TUT4: variants seen among roughly 807,000 people sequenced by gnomAD.
TUT4 encodes the protein terminal uridylyltransferase 4.
TUT4 carries 36 observed loss-of-function variants against 192.2 expected under a neutral mutation model. The ratio of observed to expected loss-of-function variants is 0.19; its 90% CI spans 0.14 to 0.25. The LOEUF is 0.25. TUT4 is among the 10% of genes least tolerant of loss of function. The pLI, the probability that TUT4 is intolerant of heterozygous loss-of-function variation, is 1.00. For missense variants in TUT4, 1,493 were observed against 1,957.2 expected, an observed-to-expected ratio of 0.76 and a Z score of 4.47; for synonymous variants, 618 against 666.0, an observed-to-expected ratio of 0.93 and a Z score of 1.11.
At chr1:52,505,065 C>T (rs368466501) in intron 4 of TUT4, among the ~76,000 whole-genome samples, 1 of 152,044 alleles carries the variant, frequency 6.6e-6, no homozygotes, top group Non-Finnish European at 1.5e-5. Context: ...TCTTTGAAAC[C>T]CTGCTTTCAA....
chr1:52,435,278 T>C lies in TUT4; in HGVS notation c.4263+87A>G. On this transcript the variant is annotated intron_variant, in intron 27 of 29. Coordinates refer to ENST00000257177, the MANE Select transcript of TUT4 (RefSeq NM_001009881.3). Reference sequence around the variant, plus strand: ...CACTGTGTAATCTGGAAGATTGTATTAGCCAGTCTGAGAGAAAACACTATC... The same window carrying C: ...CACTGTGTAATCTGGAAGATTGTATCAGCCAGTCTGAGAGAAAACACTATC... 4 of 1,061,800 alleles carry C rather than the reference T, an allele frequency of 3.8e-6. No homozygotes were observed. In the South Asian group the frequency reaches 5.8e-5, roughly 15 times the overall value. The allele number at this position is 1,061,800 out of a possible 1,614,324, so 65.8% of individuals were successfully genotyped here.
intron 1 of TUT4, among the ~76,000 whole-genome samples, chr1:52,528,490 CAAAA>C (rs370291946): frequency 1.1e-5 from 1 of 90,208 alleles, no homozygotes; most frequent in Non-Finnish European, 2.5e-5. Context: ...GACCCTGTCT[CAAAA>C]AAAAAAAAAA....
chr1:52,441,144 A>G (rs543630786), intron 24 of TUT4, among the ~76,000 whole-genome samples: 1 of 152,302 alleles, frequency 6.6e-6, no homozygotes, highest in South Asian at 2.1e-4. Context: ...ATACCTATAG[A>G]TGCAGGTAGA....
In TUT4 at chr1:52,443,577, A is replaced by G. The variant is rs940914161; in HGVS notation, c.3822+2210T>C. Among the ~76,000 whole-genome samples, 6 of 151,048 alleles carry G rather than the reference A, an allele frequency of 4.0e-5. 1 individual carries two copies. The highest frequency in any genetic ancestry group is 1.3e-4 in the Admixed American group (2 of 15,154). On this transcript the variant is annotated intron_variant, in intron 24 of 29. Coordinates refer to ENST00000257177, the MANE Select transcript of TUT4 (RefSeq NM_001009881.3). ...GCACTCCAGCCTGGGCAACAAGAGC[A>G]AAAACTCCGTCTCAAAAAAAAAAAG...
chr1:52,447,267 G>A (rs892543686), intron 20 of TUT4, among the ~76,000 whole-genome samples: 20 of 151,852 alleles, frequency 1.3e-4, no homozygotes, highest in African/African-American at 4.6e-4. Context: ...GGCCAACATG[G>A]TGAAACCCAG....
At chr1:52,550,710 A>G (rs768684010) in intron 1 of TUT4, among the ~76,000 whole-genome samples, 22 of 151,988 alleles carry the variant, frequency 1.4e-4, no homozygotes, top group Non-Finnish European at 2.8e-4. Flanking sequence ...GCTCAGACTG[A>G]TATCAAACTC....
intron 20 of TUT4, among the ~76,000 whole-genome samples, chr1:52,451,447 AAG>A (rs2148540538): frequency 6.6e-6 from 1 of 152,334 alleles, no homozygotes; most frequent in South Asian, 2.1e-4. Flanking sequence ...ACAGAAATGA[AAG>A]AGGGGATATC....
At chr1:52,494,119 T>G (rs887930911) in intron 6 of TUT4, among the ~76,000 whole-genome samples, 9 of 152,130 alleles carry the variant, frequency 5.9e-5, no homozygotes, top group African/African-American at 2.2e-4. Flanking sequence ...TACTTTTATG[T>G]CAACAAATCT....
At chr1:52,495,631 G>T (rs1422005091) in intron 5 of TUT4, 116 bp from the exon 6 acceptor site, 2 of 623,130 alleles carry the variant, frequency 3.2e-6, no homozygotes, top group Non-Finnish European at 5.4e-6. Flanking sequence ...TTTCTAGTAA[G>T]ACAATTATAC....
At chr1:52,474,505 T>C (rs1036962720) in intron 13 of TUT4, among the ~76,000 whole-genome samples, 5 of 152,168 alleles carry the variant, frequency 3.3e-5, no homozygotes, top group African/African-American at 1.2e-4. Flanking sequence ...AATGTGGCTT[T>C]TGTTGGGGAA....
At chr1:52,448,362 C>A (rs891503326) in intron 20 of TUT4, among the ~76,000 whole-genome samples, 1 of 151,872 alleles carries the variant, frequency 6.6e-6, no homozygotes, top group Non-Finnish European at 1.5e-5. Flanking sequence ...CCGAGGCAGG[C>A]GGATCACCTG....
At position 52,505,418 on chromosome 1, in the gene TUT4, C is replaced by CTTTT. The variant is rs35140317; in HGVS notation, c.999+4174_999+4177dup. 5.4e-4 allele frequency among the ~76,000 whole-genome samples: 59 copies of CTTTT among 109,506 alleles called. 1 individual carries two copies. Among genetic ancestry groups the CTTTT allele is most frequent in the African/African-American group, 8.4e-4 (22 of 26,078 alleles). 71.8% of individuals were successfully genotyped at this position (109,506 alleles called of 152,430 possible). A position where few individuals can be genotyped will look rare whatever the true frequency, so the allele number is the denominator to read the frequency against. Reference sequence around the variant, plus strand: ...GTCTTCTACTCCTAGTTTGCTTAGACTTTTTTTTTTTTTTTTTTTTTGAGA... The same window carrying CTTTT: ...GTCTTCTACTCCTAGTTTGCTTAGACTTTTTTTTTTTTTTTTTTTTTTTTTGAGA... On this transcript the variant is annotated intron_variant, in intron 4 of 29. Coordinates refer to ENST00000257177, the MANE Select transcript of TUT4 (RefSeq NM_001009881.3).
intron 2 of TUT4, among the ~76,000 whole-genome samples, chr1:52,524,687 T>G (rs1031566376): frequency 6.6e-6 from 1 of 151,674 alleles, no homozygotes; most frequent in African/African-American, 2.4e-5. Context: ...GTGCCTATAG[T>G]CCCAGCTACT....
At chr1:52,484,673 A>G (rs1669351902) in intron 9 of TUT4, among the ~76,000 whole-genome samples, 2 of 152,096 alleles carry the variant, frequency 1.3e-5, no homozygotes, top group Non-Finnish European at 2.9e-5. Context: ...ACTATTTAAT[A>G]AAATCTGTAC....
At chr1:52,476,456 C>A (rs998485724) in intron 12 of TUT4, among the ~76,000 whole-genome samples, 2 of 151,974 alleles carry the variant, frequency 1.3e-5, no homozygotes, top group Non-Finnish European at 2.9e-5. Context: ...ATATAGATAA[C>A]CCCCAGGAAA....
chr1:52,464,584 T>C (rs553103245), intron 16 of TUT4, among the ~76,000 whole-genome samples: 2 of 152,150 alleles, frequency 1.3e-5, no homozygotes, highest in Non-Finnish European at 2.9e-5. Context: ...ATTGCTTCTA[T>C]GGAAAAAATT....
chr1:52,514,675 T>A (rs995087141), intron 3 of TUT4: 3 of 152,208 alleles, frequency 2.0e-5, no homozygotes, highest in African/African-American at 7.2e-5. Flanking sequence ...CTATACAAAA[T>A]CATACCATTT....
chr1:52,506,538 A>G (rs1675622878), intron 4 of TUT4, among the ~76,000 whole-genome samples: 2 of 152,130 alleles, frequency 1.3e-5, no homozygotes, highest in Admixed American at 1.3e-4. Context: ...GGTGGTTTCC[A>G]CTGCTTATCT....
intron 1 of TUT4, among the ~76,000 whole-genome samples, chr1:52,552,574 T>C (rs751235508): frequency 5.3e-5 from 8 of 152,152 alleles, no homozygotes; most frequent in Non-Finnish European, 1.2e-4. Flanking sequence ...AACAGAAATG[T>C]TCAAACCAAT....
Sources: gnomAD v4.1 joint callset for allele counts (sites outside exome capture counted in the v4.1 genomes callset) on GRCh38, gnomAD v4.1.1 for gene constraint, MANE v1.5 for transcripts, NCBI Gene and HGNC (gene_info 2026-07-23, HGNC 2026-07-21) for gene names.